Variants in PCNX3 observed in about 807,000 individuals in gnomAD.
PCNX3 encodes the protein pecanex-like protein 3.
PCNX3 carries 58 observed loss-of-function variants against 207.2 expected under a neutral mutation model. The observed-to-expected ratio is 0.28, with a 90% CI of 0.23 to 0.35. The LOEUF (loss-of-function observed/expected upper bound fraction) is 0.35, where lower values mean the gene tolerates loss of function less well. Ranked by LOEUF, PCNX3 falls within the 10% of genes least tolerant of loss-of-function variation. PCNX3 has a pLI of 1.00. For missense variants in PCNX3, 2,410 were observed against 2,774.4 expected (o/e 0.87, Z 2.95); for synonymous variants, 1,337 against 1,183.5 (o/e 1.13, Z -2.66).
At chr11:65,619,498 G>A (rs758993830) in intron 6 of PCNX3, 39 bp from the exon 7 acceptor site, 1 of 1,603,030 alleles carries the variant, frequency 6.2e-7, no homozygotes, top group South Asian at 1.1e-5. Context: ...CCTTGTCTGA[G>A]CATCTGTCAC....
chr11:65,618,892 G>C lies in PCNX3; in HGVS notation c.1530G>C (p.Gly510=), dbSNP rs1416548944. ...GTGTGCTGAGCATGGATGGGGCTGG[G>C]GGTGATGTTCTGAGGCCCCCACTGG... ...HARVLSMDGA[G]GDVLRPPLAG... Residue 510 remains glycine, a synonymous_variant, in exon 6 of 35, where the codon GGG becomes GGC. Coordinates refer to ENST00000355703, the MANE Select transcript of PCNX3 (RefSeq NM_032223.4). 1.2e-6 allele frequency: 2 copies of C among 1,609,988 alleles called. No individual in the cohort carries two copies. Among genetic ancestry groups the C allele is most frequent in the Non-Finnish European group, 1.7e-6 (2 of 1,178,884 alleles).
rs767404299 is a variant in PCNX3, at chr11:65,635,136, G to T, written c.4953+16G>T. 2 of 1,610,932 alleles carry T rather than the reference G, an allele frequency of 1.2e-6. No individual in the cohort carries two copies. The highest frequency in any genetic ancestry group is 2.2e-5 in the South Asian group (2 of 90,844). On this transcript the variant is annotated intron_variant, in intron 30 of 34. Transcript: ENST00000355703. The surrounding 1 kb of genome is among the most constrained non-coding windows in gnomAD (Gnocchi z 9.9). The stretch of plus-strand genomic sequence containing the variant: ...GCTTCACCAGGTTGGGGAGGGGTGT[G>T]CCCAGCAGCATGGGCAGGTGGGGGA...
chr11:65,635,290 C>G lies in PCNX3; in HGVS notation c.5026C>G (p.Arg1676Gly), dbSNP rs758775869. Reference sequence around the variant, plus strand: ...CGATGCCATTGCGGCCAACGAGGAGCGGCTGGTCATCTCACATGAGGGTGA... The same window carrying G: ...CGATGCCATTGCGGCCAACGAGGAGGGGCTGGTCATCTCACATGAGGGTGA... ...LYDAIAANEE[R>G]LVISHEGDPA... Residue 1676 changes from arginine (R) to glycine (G), a missense_variant, in exon 31 of 35, where the codon CGG (arginine) becomes GGG (glycine). Around this residue, in one of 8 missense-constraint regions of PCNX3, gnomAD observed 420 missense variants for 705.3 expected, o/e 0.60. Coordinates refer to ENST00000355703, the MANE Select transcript of PCNX3 (RefSeq NM_032223.4). The surrounding 1 kb of genome is among the most constrained non-coding windows in gnomAD (Gnocchi z 9.9). 6.3e-7 allele frequency: 1 copy of G among 1,593,994 alleles called. No homozygotes were observed. Among genetic ancestry groups the G allele is most frequent in the Admixed American group, 1.8e-5 (1 of 56,500 alleles).
chr11:65,629,008 C>G (rs1855514485), intron 24 of PCNX3, 60 bp downstream of exon 24: 6 of 1,588,860 alleles, frequency 3.8e-6, no homozygotes, highest in Non-Finnish European at 5.1e-6. Context: ...GGTTTGGAGC[C>G]CAGGCTGGAG....
rs1590911538 is a variant in PCNX3 at position 65,636,632 on chromosome 11, A to G, written c.5835A>G (p.Gly1945=). 6.3e-7 allele frequency: 1 copy of G among 1,586,448 alleles called. No homozygotes were observed. Among genetic ancestry groups the G allele is most frequent in the East Asian group, 2.3e-5 (1 of 43,890 alleles). Residue 1945 remains glycine (G), a synonymous_variant, in exon 34 of 35, where the codon GGA becomes GGG. Transcript: ENST00000355703. ...GCCTGGGGGGCCGGAAGGGGCTGGG[A>G]GGATCTGACGGGGAGCCAGCCTCAG... ...KWSLGGRKGL[G]GSDGEPASGS...
chr11:65,623,231 A>T (rs1040498531), intron 11 of PCNX3, among the ~76,000 whole-genome samples: 1 of 152,202 alleles, frequency 6.6e-6, no homozygotes, highest in African/African-American at 2.4e-5. Flanking sequence ...GAATCCCGGG[A>T]GTAATGGCAC....
In PCNX3 at chr11:65,625,035, G is replaced by GT; in HGVS notation, c.2919+20dup. On this transcript the variant is annotated intron_variant, in intron 16 of 34. Coordinates refer to ENST00000355703, the MANE Select transcript of PCNX3 (RefSeq NM_032223.4). The surrounding 1 kb of genome is among the most constrained non-coding windows in gnomAD (Gnocchi z 5.6). ...CATCAAGGTAGGGGTGGCTTGCGAGGTGGGGGCATGCTGCAGTGCGTAAGG... is the reference window on the plus strand; with the variant it reads ...CATCAAGGTAGGGGTGGCTTGCGAGGTTGGGGGCATGCTGCAGTGCGTAAGG... 6.2e-7 allele frequency: 1 copy of GT among 1,606,042 alleles called. No homozygotes were observed. The highest frequency in any genetic ancestry group is 8.5e-7 in the Non-Finnish European group (1 of 1,174,914).
At chr11:65,622,917 T>G (rs1855185309) in intron 11 of PCNX3, among the ~76,000 whole-genome samples, 2 of 152,190 alleles carry the variant, frequency 1.3e-5, no homozygotes, top group African/African-American at 4.8e-5. Flanking sequence ...ATTCACTTTT[T>G]TTTTATTAGC....
rs755779706 is a variant in PCNX3, at chr11:65,618,800, G to A, written c.1438G>A (p.Val480Met). 3 of 1,611,524 alleles carry A rather than the reference G, an allele frequency of 1.9e-6. No individual in the cohort carries two copies. The South Asian group carries it at 3.3e-5, about 18-fold the overall frequency. Reference sequence around the variant, plus strand: ...CCATGGGGCTGAGGAGGGAACTGCTGTGCCCCCCAAGCGGCCATATGGGAC... The same window carrying A: ...CCATGGGGCTGAGGAGGGAACTGCTATGCCCCCCAAGCGGCCATATGGGAC... ...APHGAEEGTA[V>M]PPKRPYGTQR... The change falls in exon 6 of 35, where the codon GTG (valine) becomes ATG (methionine). Residue 480 changes from valine to methionine, a missense_variant. Val to Met is a conservative substitution (Grantham distance 21). Around this residue, in one of 8 missense-constraint regions of PCNX3, gnomAD observed 1,104 missense variants for 970.3 expected, o/e 1.14. Coordinates refer to ENST00000355703, the MANE Select transcript of PCNX3 (RefSeq NM_032223.4).
In PCNX3 at chr11:65,618,178, A is replaced by C. The variant is rs201153060; in HGVS notation, c.816A>C (p.Gln272His). 8.4e-5 allele frequency: 134 copies of C among 1,604,370 alleles called. No individual in the cohort carries two copies. In the African/African-American group the frequency reaches 1.7e-3, roughly 20 times the overall value. Residue 272 changes from glutamine to histidine, a missense_variant, in exon 6 of 35, where the codon CAA becomes CAC. This residue lies in a region of PCNX3 where 1,104 missense variants were observed against 970.3 expected (regional missense o/e 1.14). Coordinates refer to ENST00000355703, the MANE Select transcript of PCNX3 (RefSeq NM_032223.4). Reference sequence around the variant, plus strand: ...TGAGGACCAGCAGTCGACGGGAACAACGCAGGGGGGCAGGTGGCTATCAGC... The same window carrying C: ...TGAGGACCAGCAGTCGACGGGAACACCGCAGGGGGGCAGGTGGCTATCAGC... ...ALVRTSSRREQRRGAGGYQPL... is the reference protein window; with the variant it reads ...ALVRTSSRREHRRGAGGYQPL...
Position 65,619,778 on chromosome 11 carries a change from C to T in PCNX3, c.1854C>T (p.Gly618=), listed in dbSNP as rs764245764. 27 of 1,579,146 alleles carry T rather than the reference C, an allele frequency of 1.7e-5. 1 individual carries two copies. The South Asian group carries it at 3.1e-4, about 18-fold the overall frequency. ...GCAGCCTGCAGGAAGCTCAGCGGGG[C>T]CGGGCTGCCTCCCACTCCCGGGCGC... ...PPSSLQEAQR[G]RAASHSRALT... is the part of the protein sequence containing the mutation. The change falls in exon 8 of 35, where the codon GGC becomes GGT. Residue 618 remains glycine (G), a synonymous_variant. Coordinates refer to ENST00000355703, the MANE Select transcript of PCNX3 (RefSeq NM_032223.4).
In PCNX3 at chr11:65,617,538, A is replaced by G. The variant is rs199899945; in HGVS notation, c.481+29A>G. On this transcript the variant is annotated intron_variant, in intron 4 of 34. Coordinates refer to ENST00000355703, the MANE Select transcript of PCNX3 (RefSeq NM_032223.4). The stretch of plus-strand genomic sequence containing the variant: ...GGTGGCTGCTCTTCAGGGTTGGAGC[A>G]TAGTGCTGTGGAACAGGGGCTGGCG... 8,857 of 1,613,892 alleles carry G rather than the reference A, an allele frequency of 5.5e-3. 34 individuals are homozygous for G. The highest frequency in any genetic ancestry group is 6.8e-3 in the Non-Finnish European group (8,017 of 1,179,850).
chr11:65,624,350 C>G lies in PCNX3; in HGVS notation c.2700C>G (p.Ala900=), dbSNP rs757488233. The part of the protein sequence containing the change: ...TLFSASFFFC[A]RDVATVFTLC... ...TCTCTGCCTCCTTCTTCTTCTGTGC[C>G]CGAGACGTGGCCACTGGTGAGGCTG... is the stretch of plus-strand genomic sequence containing the variant. Residue 900 remains alanine, a synonymous_variant, in exon 14 of 35, where the codon GCC becomes GCG. Transcript: ENST00000355703. 1 of 1,555,698 alleles carries G rather than the reference C, an allele frequency of 6.4e-7. No individual in the cohort carries two copies. Among genetic ancestry groups the G allele is most frequent in the South Asian group, 1.2e-5 (1 of 84,358 alleles).
Position 65,629,530 on chromosome 11 carries a change from C to T in PCNX3, c.4011C>T (p.Asp1337=), listed in dbSNP as rs1438766005. ...TGTTCTGGGTCTTAGGCGCTGATGA[C>T]AACAACCTCAACTCCATCTTCTATG... ...TQLDRNPGAD[D]NNLNSIFYEH... The change falls in exon 26 of 35, where the codon GAC becomes GAT. Residue 1337 remains aspartate (D), a synonymous_variant. Transcript: ENST00000355703. 3.1e-6 allele frequency: 5 copies of T among 1,613,626 alleles called. No homozygotes were observed. The highest frequency in any genetic ancestry group is 3.3e-5 in the Admixed American group (2 of 59,980).
At position 65,629,361 on chromosome 11, in the gene PCNX3, A is replaced by C; in HGVS notation, c.3946A>C (p.Lys1316Gln). Reference protein sequence around the residue: ...LKFWERDYNTKRVDHSNTRLV... With the variant: ...LKFWERDYNTQRVDHSNTRLV... ...TGTTGCACTCTCTCTGAACAGCACT[A>C]AACGTGTGGATCATTCCAACACCCG... Residue 1316 changes from lysine to glutamine, a missense_variant, in exon 25 of 35, where the codon AAA becomes CAA. Physicochemically the swap from Lys to Gln is moderately conservative, Grantham distance 53. Transcript: ENST00000355703. The C allele has an allele frequency of 6.2e-7, 1 of 1,610,708 alleles. No homozygotes were observed.
In PCNX3 at chr11:65,637,072, C is replaced by A; in HGVS notation, c.*94C>A. 7.2e-7 allele frequency: 1 copy of A among 1,381,196 alleles called. No homozygotes were observed. Among genetic ancestry groups the A allele is most frequent in the Non-Finnish European group, 9.8e-7 (1 of 1,019,556 alleles). 85.6% of individuals were successfully genotyped at this position (1,381,196 alleles called of 1,614,324 possible). ...GACCACAGAACTGAGTGGCTTTGGC[C>A]TACATGTCTGAACCCTGACCTTTGG... On this transcript the variant is annotated 3_prime_UTR_variant, in exon 35 of 35. Transcript: ENST00000355703.
At chr11:65,623,395 C>T in intron 11 of PCNX3, 96 bp from the exon 12 acceptor site, 1 of 1,445,036 alleles carries the variant, frequency 6.9e-7, no homozygotes. Flanking sequence ...TGGGCACAGT[C>T]CCAGAGCTGG....
Position 65,618,962 on chromosome 11 carries a change from G to T in PCNX3, c.1600G>T (p.Ala534Ser). 1 of 1,604,114 alleles carries T rather than the reference G, an allele frequency of 6.2e-7. No homozygotes were observed. ...GGAGGCCCAGGTTGGGGTGGAGCAGGCTGCTAGTGAGCCTGTTGTGCTGCC... is the reference window on the plus strand; with the variant it reads ...GGAGGCCCAGGTTGGGGTGGAGCAGTCTGCTAGTGAGCCTGTTGTGCTGCC... ...ELEAQVGVEQ[A>S]ASEPVVLPAE... Residue 534 changes from alanine to serine, a missense_variant, in exon 6 of 35, where the codon GCT (alanine) becomes TCT (serine). This residue lies in a region of PCNX3 where 1,104 missense variants were observed against 970.3 expected (regional missense o/e 1.14). Transcript: ENST00000355703.
At position 65,637,349 on chromosome 11, in the gene PCNX3, G is replaced by T; in HGVS notation, c.*371G>T. On this transcript the variant is annotated 3_prime_UTR_variant, in exon 35 of 35. Transcript: ENST00000355703. ...CTGGGGCCTGAATTGTGGGAAGGGT[G>T]GTTTCTTTCTTTCCTTTTTTTTCTT... 1 of 247,238 alleles carries T rather than the reference G, an allele frequency of 4.0e-6. No individual in the cohort carries two copies. Among genetic ancestry groups the T allele is most frequent in the Non-Finnish European group, 7.7e-6 (1 of 130,390 alleles). The allele number at this position is 247,238 out of a possible 1,614,324, so 15.3% of individuals were successfully genotyped here.
Sources: allele counts gnomAD v4.1 joint callset (sites outside exome capture counted in the v4.1 genomes callset), GRCh38; gene constraint gnomAD v4.1.1; regional missense constraint gnomAD v4.1.1; non-coding constraint Gnocchi (gnomAD v3.1); transcripts MANE v1.5; gene names NCBI Gene and HGNC (gene_info 2026-07-23, HGNC 2026-07-21).